KAZN: variants seen among roughly 807,000 people sequenced by gnomAD.
KAZN encodes kazrin.
In KAZN, 40 loss-of-function variants were observed where a neutral mutation model predicts 87.4. That is an observed-to-expected ratio of 0.46 (90% CI 0.36 to 0.60). The LOEUF is 0.60. Among genes scored for constraint, KAZN ranks in the 20% least tolerant of loss-of-function variants. The pLI, the probability that KAZN is intolerant of heterozygous loss-of-function variation, is 0.00. For synonymous variants in KAZN, 466 were observed against 458.3 expected (o/e 1.02, Z -0.22); for missense variants, 898 against 1,073.9 (o/e 0.84, Z 2.29).
chr1:14,370,481 G>A (rs1342872173), intron 2 of KAZN, among the ~76,000 whole-genome samples: 1 of 152,196 alleles, frequency 6.6e-6, no homozygotes, highest in Non-Finnish European at 1.5e-5. Flanking sequence ...AGACCAAGAG[G>A]GTGGTTTGGG....
At chr1:14,728,967 T>C (rs752947848) in intron 1 of KAZN, among the ~76,000 whole-genome samples, 1 of 152,184 alleles carries the variant, frequency 6.6e-6, no homozygotes, top group Non-Finnish European at 1.5e-5. Context: ...TTCCAGAGGT[T>C]ACTTATTCAG....
chr1:14,469,346 A>G (rs542599579), intron 2 of KAZN, among the ~76,000 whole-genome samples: 6 of 152,358 alleles, frequency 3.9e-5, no homozygotes, highest in Non-Finnish European at 7.3e-5. Flanking sequence ...ACTTTTATTT[A>G]TCAGGAATGA....
intron 2 of KAZN, among the ~76,000 whole-genome samples, chr1:15,028,655 C>T (rs1308566733): frequency 6.6e-6 from 1 of 152,186 alleles, no homozygotes; most frequent in East Asian, 1.9e-4. Flanking sequence ...CTTGTGTACA[C>T]GACAGAACTT....
rs61201460 is a variant in KAZN at position 14,424,479 on chromosome 1, T to A, written c.250-174504T>A. 1.8e-3 allele frequency among the ~76,000 whole-genome samples: 281 copies of A among 152,294 alleles called. 1 individual carries two copies. The highest frequency in any genetic ancestry group is 6.3e-3 in the African/African-American group (262 of 41,562). ...TCCCCAGCAAGCGAGTGCCTTCTCCTGCAAGACTAAGCTCACCCACACATA... is the reference window on the plus strand; with the variant it reads ...TCCCCAGCAAGCGAGTGCCTTCTCCAGCAAGACTAAGCTCACCCACACATA... On this transcript the variant is annotated intron_variant, in intron 2 of 16. Coordinates refer to the KAZN transcript ENST00000636203.
In KAZN at chr1:14,557,623, TGTGTGG is replaced by T. The variant is rs1379252900; in HGVS notation, c.250-41354_250-41349del. On this transcript the variant is annotated intron_variant, in intron 2 of 16. Coordinates refer to the KAZN transcript ENST00000636203. Reference sequence around the variant, plus strand: ...CCAGAGAAACAAAACCAATAGGGTGTGTGTGGGTGTGTGTGTGTGTGTGTGTGTGTG... The same window carrying T: ...CCAGAGAAACAAAACCAATAGGGTGTGTGTGTGTGTGTGTGTGTGTGTGTG... Among the ~76,000 whole-genome samples, 570 of 86,284 alleles carry T rather than the reference TGTGTGG, an allele frequency of 6.6e-3. 1 individual carries two copies. The highest frequency in any genetic ancestry group is 8.2e-3 in the Non-Finnish European group (334 of 40,618). 56.6% of individuals were successfully genotyped at this position (86,284 alleles called of 152,430 possible). A position where few individuals can be genotyped will look rare whatever the true frequency, so the allele number is the denominator to read the frequency against.
At chr1:14,914,547 G>A (rs1440413851) in intron 1 of KAZN, among the ~76,000 whole-genome samples, 1 of 152,222 alleles carries the variant, frequency 6.6e-6, no homozygotes, top group Non-Finnish European at 1.5e-5. Flanking sequence ...GGCACTTTAA[G>A]CCTTAAAGGG....
intron 1 of KAZN, among the ~76,000 whole-genome samples, chr1:14,604,356 G>A (rs962286700): frequency 6.6e-6 from 1 of 152,196 alleles, no homozygotes; most frequent in African/African-American, 2.4e-5. Context: ...GCAGCTAAGA[G>A]TTCTGCTGAC....
At chr1:14,439,662 T>C (rs1431918775) in intron 2 of KAZN, among the ~76,000 whole-genome samples, 1 of 152,224 alleles carries the variant, frequency 6.6e-6, no homozygotes, top group African/African-American at 2.4e-5. Context: ...TTTGCAATTT[T>C]GTTTCACGTT....
At chr1:15,011,103 G>A (rs775578527) in intron 2 of KAZN, among the ~76,000 whole-genome samples, 7 of 152,286 alleles carry the variant, frequency 4.6e-5, no homozygotes, top group South Asian at 4.1e-4. Context: ...AGATATTAAC[G>A]TGTTAATAAA....
chr1:15,009,706 T>C (rs553624480), intron 2 of KAZN, among the ~76,000 whole-genome samples: 1 of 152,348 alleles, frequency 6.6e-6, no homozygotes, highest in African/African-American at 2.4e-5. Context: ...TGTCTTCTGC[T>C]AGCCTTGGTG....
At chr1:13,929,014 A>G (rs1640395726) in intron 1 of KAZN, among the ~76,000 whole-genome samples, 1 of 147,126 alleles carries the variant, frequency 6.8e-6, no homozygotes, top group African/African-American at 2.5e-5. Context: ...GAGCTGGGCC[A>G]GCTGAGGGCC....
chr1:14,439,561 G>A (rs1161568135), intron 2 of KAZN, among the ~76,000 whole-genome samples: 3 of 152,172 alleles, frequency 2.0e-5, no homozygotes, highest in East Asian at 1.9e-4. Context: ...TGATAGGAAC[G>A]TTCTAGATGT....
intron 1 of KAZN, among the ~76,000 whole-genome samples, chr1:14,056,937 G>A (rs566201294): frequency 7.9e-5 from 12 of 151,782 alleles, no homozygotes; most frequent in African/African-American, 2.9e-4. Flanking sequence ...CCAGCTACTC[G>A]GGAGACTGAG....
intron 2 of KAZN, among the ~76,000 whole-genome samples, chr1:14,999,067 TC>T (rs1668192553): frequency 6.6e-6 from 1 of 152,224 alleles, no homozygotes; most frequent in Non-Finnish European, 1.5e-5. Context: ...CCACCTGTGA[TC>T]CCAGCTACTT....
At chr1:14,766,646 A>T (rs542489987) in intron 1 of KAZN, among the ~76,000 whole-genome samples, 1 of 148,038 alleles carries the variant, frequency 6.8e-6, no homozygotes, top group African/African-American at 2.5e-5. Context: ...TGGGAAGACA[A>T]AGATGCTGAG....
intron 1 of KAZN, among the ~76,000 whole-genome samples, chr1:14,797,341 A>C (rs1385860480): frequency 6.6e-6 from 1 of 152,142 alleles, no homozygotes; most frequent in African/African-American, 2.4e-5. Flanking sequence ...GATTACAGGC[A>C]TGAGCCACCA....
rs1360070328 is a variant in KAZN, at chr1:15,060,193, A to G, written c.938A>G (p.His313Arg). 4.3e-6 allele frequency: 7 copies of G among 1,614,098 alleles called. No homozygotes were observed. The highest frequency in any genetic ancestry group is 5.1e-6 in the Non-Finnish European group (6 of 1,180,034). ...DRQAVRVSPCHSRQPSVISDA... is the reference protein window; with the variant it reads ...DRQAVRVSPCRSRQPSVISDA... ...CCAGCGGTCAGGGTGAGCCCCTGCC[A>G]CTCCCGGCAGCCCTCTGTCATCTCC... The change falls in exon 6 of 15, where the codon CAC (histidine) becomes CGC (arginine). Residue 313 changes from histidine to arginine, a missense_variant. Around this residue, in one of 3 missense-constraint regions of KAZN, gnomAD observed 521 missense variants for 689.4 expected, o/e 0.76. Transcript: ENST00000376030.
chr1:13,893,651 G>A (rs1014404408), exon 1 of KAZN: 15 of 1,550,038 alleles, frequency 9.7e-6, no homozygotes, highest in Non-Finnish European at 1.2e-5. Context: ...CAACACCAAA[G>A]ACCCCAAAAG....
intron 2 of KAZN, among the ~76,000 whole-genome samples, chr1:15,016,216 G>T (rs920640675): frequency 1.3e-5 from 2 of 152,192 alleles, no homozygotes; most frequent in Admixed American, 6.5e-5. Flanking sequence ...GAAGCTGGAG[G>T]AGACTTTGAA....
Sources: allele counts gnomAD v4.1 joint callset (sites outside exome capture counted in the v4.1 genomes callset), GRCh38; gene constraint gnomAD v4.1.1; regional missense constraint gnomAD v4.1.1; transcripts MANE v1.5; gene names NCBI Gene and HGNC (gene_info 2026-07-23, HGNC 2026-07-21).